QSOX1: variants seen among roughly 807,000 people sequenced by gnomAD.
QSOX1 encodes the protein quiescin sulfhydryl oxidase 1.
In QSOX1, 40 loss-of-function variants were observed where a neutral mutation model predicts 76.1. That is an observed-to-expected ratio of 0.53 (90% confidence interval 0.41 to 0.68). QSOX1 has a LOEUF of 0.68. Ranked by LOEUF, QSOX1 falls within the 30% of genes least tolerant of loss-of-function variation. The pLI is 0.00. For missense variants in QSOX1, 931 were observed against 974.3 expected, an observed-to-expected ratio of 0.96 and a Z score of 0.59; for synonymous variants, 392 against 413.1, an observed-to-expected ratio of 0.95 and a Z score of 0.62.
chr1:180,167,206 A>G (rs1032945752), intron 2 of QSOX1, among the ~76,000 whole-genome samples: 11 of 152,370 alleles, frequency 7.2e-5, no homozygotes, highest in Admixed American at 5.2e-4. Flanking sequence ...AGCCCAGGGC[A>G]GCAAGGCTGC....
intron 8 of QSOX1, among the ~76,000 whole-genome samples, chr1:180,188,062 T>C (rs1368167945): frequency 6.6e-6 from 1 of 152,158 alleles, no homozygotes; most frequent in Admixed American, 6.5e-5. Context: ...CTCCGTTTCA[T>C]AGAAGGTGAA....
intron 4 of QSOX1, among the ~76,000 whole-genome samples, chr1:180,176,254 G>A (rs989067232): frequency 2.0e-5 from 3 of 152,228 alleles, no homozygotes; most frequent in African/African-American, 7.2e-5. Flanking sequence ...GAAGAGCCCT[G>A]TTTTTCTGGG....
In QSOX1 at chr1:180,203,595, G is replaced by C. The variant is rs1222432513; in HGVS notation, c.*6558G>C. On this transcript the variant is annotated 3_prime_UTR_variant, in exon 12 of 12. Coordinates refer to ENST00000367602, the MANE Select transcript of QSOX1 (RefSeq NM_002826.5). ...ATAAATAGGATTAAAGGATACTAAAGCCCATTCAATAAAATTTGTAGGAGG... is the reference window on the plus strand; with the variant it reads ...ATAAATAGGATTAAAGGATACTAAACCCCATTCAATAAAATTTGTAGGAGG... 1.3e-5 allele frequency: 2 copies of C among 152,202 alleles called. No homozygotes were observed. The highest frequency in any genetic ancestry group is 1.3e-4 in the Admixed American group (2 of 15,276). The allele number at this position is 152,202 out of a possible 1,614,324, so 9.4% of individuals were successfully genotyped here. A position where few individuals can be genotyped will look rare whatever the true frequency, so the allele number is the denominator to read the frequency against.
rs576645522 is a variant in QSOX1, at chr1:180,180,615, T to C, written c.607-1559T>C. Among the ~76,000 whole-genome samples, 27 of 152,284 alleles carry C rather than the reference T, an allele frequency of 1.8e-4. No homozygotes were observed. In the East Asian group the frequency reaches 3.7e-3, roughly 21 times the overall value. ...CTGCAAGCTCCACCTGTCAGGTTCATGCCATTCTCCTGCCTCAGCCTCCTG... is the reference window on the plus strand; with the variant it reads ...CTGCAAGCTCCACCTGTCAGGTTCACGCCATTCTCCTGCCTCAGCCTCCTG... On this transcript the variant is annotated intron_variant, in intron 5 of 11. Coordinates refer to ENST00000367602, the MANE Select transcript of QSOX1 (RefSeq NM_002826.5).
intron 1 of QSOX1, among the ~76,000 whole-genome samples, chr1:180,159,198 G>T (rs1662438680): frequency 6.6e-6 from 1 of 152,198 alleles, no homozygotes; most frequent in Admixed American, 6.5e-5. Context: ...TTTATTCTGT[G>T]GTTGGTAGAA....
At chr1:180,168,544 A>G (rs1343399307) in intron 2 of QSOX1, among the ~76,000 whole-genome samples, 1 of 152,226 alleles carries the variant, frequency 6.6e-6, no homozygotes, top group African/African-American at 2.4e-5. Flanking sequence ...ACTGTGACCA[A>G]CTGTAAGCAA....
rs533687286 is a variant in QSOX1, at chr1:180,180,377, A to G, written c.606+1493A>G. On this transcript the variant is annotated intron_variant, in intron 5 of 11. Coordinates refer to ENST00000367602, the MANE Select transcript of QSOX1 (RefSeq NM_002826.5). The stretch of plus-strand genomic sequence containing the variant: ...AGGCATGCACCACCATGCCTGGCTA[A>G]TTTTGTATTTTCAGTAGAGACGTGG... Among the ~76,000 whole-genome samples, 15 of 151,922 alleles carry G rather than the reference A, an allele frequency of 9.9e-5. No homozygotes were observed. In the South Asian group the frequency reaches 2.7e-3, roughly 27 times the overall value.
intron 7 of QSOX1, among the ~76,000 whole-genome samples, chr1:180,184,413 A>G (rs1663118753): frequency 6.6e-6 from 1 of 152,176 alleles, no homozygotes; most frequent in Non-Finnish European, 1.5e-5. Context: ...TGTGCAGTCA[A>G]TATTTTTGAG....
chr1:180,165,638 A>T (rs1219067807), intron 1 of QSOX1, among the ~76,000 whole-genome samples: 2 of 152,234 alleles, frequency 1.3e-5, no homozygotes, highest in East Asian at 3.8e-4. Flanking sequence ...GGCCCCTGCC[A>T]CTGCCCTCTC....
At position 180,198,310 on chromosome 1, in the gene QSOX1, T is replaced by C. The variant is rs1663557428; in HGVS notation, c.*1273T>C. ...GCCCTGGGCTGGTGAGGGAGAAGCC[T>C]GTCTGCACCTGCCTAATTCCAGCTC... On this transcript the variant is annotated 3_prime_UTR_variant, in exon 12 of 12. Coordinates refer to ENST00000367602, the MANE Select transcript of QSOX1 (RefSeq NM_002826.5). 2.2e-6 allele frequency: 1 copy of C among 456,656 alleles called. No homozygotes were observed. Among genetic ancestry groups the C allele is most frequent in the Non-Finnish European group, 4.4e-6 (1 of 226,948 alleles). 28.3% of individuals were successfully genotyped at this position (456,656 alleles called of 1,614,324 possible).
intron 2 of QSOX1, among the ~76,000 whole-genome samples, chr1:180,172,638 G>A (rs956667411): frequency 2.0e-5 from 3 of 152,190 alleles, no homozygotes; most frequent in African/African-American, 7.2e-5. Context: ...TCCTGCCTCA[G>A]TCTCCTGAGT....
chr1:180,179,798 G>C (rs1662985771), intron 5 of QSOX1, among the ~76,000 whole-genome samples: 1 of 152,244 alleles, frequency 6.6e-6, no homozygotes. Context: ...GCTGAAGCCA[G>C]ATGCTGTCTC....
rs143317155 is a variant in QSOX1, at chr1:180,189,593, C to G, written c.1059C>G (p.Ser353=). The part of the protein sequence containing the change: ...GRPLVQNFLH[S]VNEWLKRQKR... Reference sequence around the variant, plus strand: ...CCTTAGTCCAGAACTTCCTGCACTCCGTGAATGAATGGCTCAAGAGGCAGA... The same window carrying G: ...CCTTAGTCCAGAACTTCCTGCACTCGGTGAATGAATGGCTCAAGAGGCAGA... Residue 353 remains serine (S), a synonymous_variant, in exon 9 of 12, where the codon TCC becomes TCG. Transcript: ENST00000367602. 2 of 1,613,254 alleles carry G rather than the reference C, an allele frequency of 1.2e-6. No individual in the cohort carries two copies. The highest frequency in any genetic ancestry group is 3.3e-5 in the Admixed American group (2 of 59,984).
chr1:180,194,269 T>C lies in QSOX1; in HGVS notation c.1345T>C (p.Cys449Arg), dbSNP rs1176416780. ...IRGYVHYFFG[C>R]RDCASHFEQM... The stretch of plus-strand genomic sequence containing the variant: ...AGGCTACGTGCACTACTTCTTCGGC[T>C]GCCGAGACTGCGCTAGCCACTTCGA... The change falls in exon 11 of 12, where the codon TGC (cysteine) becomes CGC (arginine). Residue 449 changes from cysteine (C) to arginine (R), a missense_variant. Transcript: ENST00000367602. 6.2e-7 allele frequency: 1 copy of C among 1,613,060 alleles called. No homozygotes were observed. The highest frequency in any genetic ancestry group is 8.5e-7 in the Non-Finnish European group (1 of 1,179,470).
At chr1:180,165,778 A>G (rs1465565329) in intron 1 of QSOX1, among the ~76,000 whole-genome samples, 1 of 152,232 alleles carries the variant, frequency 6.6e-6, no homozygotes, top group African/African-American at 2.4e-5. Flanking sequence ...TGCCTGGTAT[A>G]TGAGCTTGTT....
At chr1:180,182,491 G>A (rs996288356) in intron 6 of QSOX1, among the ~76,000 whole-genome samples, 172 bp downstream of exon 6, 5 of 152,186 alleles carry the variant, frequency 3.3e-5, no homozygotes, top group African/African-American at 1.2e-4. Flanking sequence ...ACCGTCAGGA[G>A]CCTGGGCCTG....
chr1:180,182,652 G>A (rs1404428466), intron 6 of QSOX1, among the ~76,000 whole-genome samples: 1 of 152,164 alleles, frequency 6.6e-6, no homozygotes, highest in Non-Finnish European at 1.5e-5. Context: ...GCAGGCTACA[G>A]GCCTGGCAAG....
At chr1:180,176,263 G>C (rs533555072) in intron 4 of QSOX1, among the ~76,000 whole-genome samples, 1 of 152,208 alleles carries the variant, frequency 6.6e-6, no homozygotes, top group Non-Finnish European at 1.5e-5. Flanking sequence ...TGTTTTTCTG[G>C]GGCTGACTGA....
chr1:180,194,168 T>C (rs751490026), intron 10 of QSOX1, 45 bp from the exon 11 acceptor site: 9 of 1,552,432 alleles, frequency 5.8e-6, no homozygotes, highest in African/African-American at 1.4e-5. Flanking sequence ...GCTGTGGGGC[T>C]GGCAGCCTGA....
Sources: gnomAD v4.1 joint callset for allele counts (sites outside exome capture counted in the v4.1 genomes callset) on GRCh38, gnomAD v4.1.1 for gene constraint, MANE v1.5 for transcripts, NCBI Gene and HGNC (gene_info 2026-07-23, HGNC 2026-07-21) for gene names.